ERBB4: variants seen among roughly 807,000 people sequenced by gnomAD.
ERBB4 encodes the protein receptor tyrosine-protein kinase erbB-4.
ERBB4 carries 42 observed loss-of-function variants against 158.0 expected under a neutral mutation model. That is an observed-to-expected ratio of 0.27 (90% CI 0.21 to 0.34). The LOEUF is 0.34. Among genes scored for constraint, ERBB4 ranks in the 10% least tolerant of loss-of-function variants. The probability of loss-of-function intolerance (pLI) is 1.00; values close to 1 mark genes in which losing one functional copy is unlikely to be tolerated. For missense variants in ERBB4, 1,333 were observed against 1,624.1 expected, an observed-to-expected ratio of 0.82 and a Z score of 3.08; for synonymous variants, 583 against 558.7, an observed-to-expected ratio of 1.04 and a Z score of -0.61.
At chr2:212,508,978 A>G (rs1691351600) in intron 1 of ERBB4, among the ~76,000 whole-genome samples, 1 of 152,084 alleles carries the variant, frequency 6.6e-6, no homozygotes, top group Non-Finnish European at 1.5e-5. Context: ...TTAATGTGGT[A>G]ATTATTTATT....
At chr2:211,408,286 T>C (rs1014298086) in intron 25 of ERBB4, among the ~76,000 whole-genome samples, 9 of 152,222 alleles carry the variant, frequency 5.9e-5, no homozygotes, top group Non-Finnish European at 1.2e-4. Context: ...GCGAATCTTG[T>C]AGCAGTAATA....
chr2:211,570,305 C>T (rs550842024), intron 19 of ERBB4, among the ~76,000 whole-genome samples: 3 of 147,808 alleles, frequency 2.0e-5, no homozygotes, highest in East Asian at 4.0e-4. Context: ...GCATCCGCCA[C>T]CACACTTGGC....
chr2:212,538,641 G>GGGCGGGCGC lies in ERBB4; in HGVS notation c.-120_-112dup, dbSNP rs1361146384. 7 of 1,126,614 alleles carry GGGCGGGCGC rather than the reference G, an allele frequency of 6.2e-6. No homozygotes were observed. The highest frequency in any genetic ancestry group is 4.0e-4 in the Middle Eastern group (2 of 5,052). 69.8% of individuals were successfully genotyped at this position (1,126,614 alleles called of 1,614,324 possible). A position where few individuals can be genotyped will look rare whatever the true frequency, so the allele number is the denominator to read the frequency against. On this transcript the variant is annotated 5_prime_UTR_variant, in exon 1 of 28. Coordinates refer to ENST00000342788, the MANE Select transcript of ERBB4 (RefSeq NM_005235.3). ...CCGGGCGCGCGTGGGGGTGCGAGGGGGGCGGGCGCGGCGCGCGCGGTGTGG... is the reference window on the plus strand; with the variant it reads ...CCGGGCGCGCGTGGGGGTGCGAGGGGGGCGGGCGCGGCGGGCGCGGCGCGCGCGGTGTGG...
chr2:211,622,987 AAAAATATATATATATATATATATATATAT>A (rs2069671705), intron 18 of ERBB4, among the ~76,000 whole-genome samples: 63 of 30,578 alleles, frequency 2.1e-3, no homozygotes, highest in South Asian at 4.0e-3. Context: ...AAAAAAAAAA[AAAAATATATATATATATATATATATATAT>A]ATATATATAT....
intron 7 of ERBB4, among the ~76,000 whole-genome samples, chr2:211,720,510 TTTC>T (rs2074059499): frequency 6.6e-6 from 1 of 152,208 alleles, no homozygotes; most frequent in Non-Finnish European, 1.5e-5. Context: ...CGCCATGTCT[TTTC>T]TTAAATTTTT....
Position 211,561,989 on chromosome 2 carries a change from G to A in ERBB4, c.2401C>T (p.His801Tyr), listed in dbSNP as rs1217205766. 1.9e-6 allele frequency: 3 copies of A among 1,613,964 alleles called. No homozygotes were observed. The highest frequency in any genetic ancestry group is 2.5e-6 in the Non-Finnish European group (3 of 1,180,012). ...TGGACATACTCCAACAGGCAGCCAT[G>A]GGGCATAAGTTGAGTAACCAGCTGG... is the stretch of plus-strand genomic sequence containing the variant. ...TIQLVTQLMP[H>Y]GCLLEYVHEH... Residue 801 changes from histidine (H) to tyrosine (Y), a missense_variant, in exon 20 of 28, where the codon CAT becomes TAT. By Grantham distance (83) the His-to-Tyr change is moderately conservative (BLOSUM62 2). This residue lies in a region of ERBB4 where 314 missense variants were observed against 437.6 expected (regional missense o/e 0.72). Transcript: ENST00000342788.
chr2:211,418,910 T>TAA (rs1488885629), intron 25 of ERBB4, among the ~76,000 whole-genome samples: 2 of 152,134 alleles, frequency 1.3e-5, no homozygotes, highest in African/African-American at 4.8e-5. Context: ...GGGCATGTGA[T>TAA]AAAGTTTTCA....
At chr2:211,733,085 A>G (rs960521517) in intron 5 of ERBB4, among the ~76,000 whole-genome samples, 1 of 152,200 alleles carries the variant, frequency 6.6e-6, no homozygotes, top group African/African-American at 2.4e-5. Flanking sequence ...ACATGATAAT[A>G]TTGTTAGTTG....
At chr2:211,594,315 T>C (rs1348991531) in intron 19 of ERBB4, among the ~76,000 whole-genome samples, 2 of 152,112 alleles carry the variant, frequency 1.3e-5, no homozygotes, top group Non-Finnish European at 2.9e-5. Flanking sequence ...AGCGTGCACC[T>C]GTAGTCCCAG....
chr2:212,248,580 A>G (rs1559842067), intron 1 of ERBB4, among the ~76,000 whole-genome samples: 1 of 152,210 alleles, frequency 6.6e-6, no homozygotes, highest in Non-Finnish European at 1.5e-5. Context: ...TCCCAAGTCC[A>G]GACTACAATC....
At chr2:212,332,378 T>C (rs886399778) in intron 1 of ERBB4, among the ~76,000 whole-genome samples, 1 of 152,034 alleles carries the variant, frequency 6.6e-6, no homozygotes, top group Non-Finnish European at 1.5e-5. Flanking sequence ...TTGTAACTTG[T>C]CCAGTCTTGG....
At chr2:211,483,174 C>A (rs887514511) in intron 20 of ERBB4, among the ~76,000 whole-genome samples, 1 of 151,576 alleles carries the variant, frequency 6.6e-6, no homozygotes, top group Non-Finnish European at 1.5e-5. Context: ...AAAATAAAGA[C>A]TGAAAAAATA....
At chr2:211,499,247 G>A (rs1048615922) in intron 20 of ERBB4, among the ~76,000 whole-genome samples, 3 of 152,008 alleles carry the variant, frequency 2.0e-5, no homozygotes, top group African/African-American at 7.2e-5. Context: ...GACTCAGGCC[G>A]GGTGCCGTGG....
At chr2:212,094,559 A>G (rs2078871476) in intron 2 of ERBB4, among the ~76,000 whole-genome samples, 1 of 151,116 alleles carries the variant, frequency 6.6e-6, no homozygotes. Flanking sequence ...TAAATAAAAT[A>G]TGAAAATAAA....
At chr2:211,609,321 C>A (rs2069102929) in intron 19 of ERBB4, among the ~76,000 whole-genome samples, 1 of 152,096 alleles carries the variant, frequency 6.6e-6, no homozygotes, top group South Asian at 2.1e-4. Flanking sequence ...GAGGGCCCTG[C>A]CCCCACACCC....
chr2:211,430,767 G>GTATGT (rs1559160528), intron 21 of ERBB4, among the ~76,000 whole-genome samples, 178 bp downstream of exon 21: 2 of 86,746 alleles, frequency 2.3e-5, no homozygotes, highest in African/African-American at 6.6e-5. Context: ...GTGTGTATAT[G>GTATGT]ATATATATAT....
chr2:212,348,061 A>G (rs1045830175), intron 1 of ERBB4, among the ~76,000 whole-genome samples: 7 of 152,130 alleles, frequency 4.6e-5, no homozygotes, highest in African/African-American at 1.4e-4. Flanking sequence ...GTGTCAAGAA[A>G]CAGTTTAGAA....
chr2:212,498,763 C>T (rs1463596438), intron 1 of ERBB4, among the ~76,000 whole-genome samples: 1 of 152,060 alleles, frequency 6.6e-6, no homozygotes, highest in South Asian at 2.1e-4. Context: ...AGTCCATCTA[C>T]AAAAATGTGC....
chr2:211,777,963 A>G (rs984371609), intron 4 of ERBB4: 3 of 152,316 alleles, frequency 2.0e-5, no homozygotes, highest in Non-Finnish European at 2.9e-5. Flanking sequence ...TCTATTCTGC[A>G]TCAGTTGAAC....
Sources: allele counts gnomAD v4.1 joint callset (sites outside exome capture counted in the v4.1 genomes callset), GRCh38; gene constraint gnomAD v4.1.1; regional missense constraint gnomAD v4.1.1; transcripts MANE v1.5; gene names NCBI Gene and HGNC (gene_info 2026-07-23, HGNC 2026-07-21).